EXTL3: variants seen among roughly 807,000 people sequenced by gnomAD.
EXTL3 encodes exostosin-like 3.
In EXTL3, 27 loss-of-function variants were observed where a neutral mutation model predicts 69.3. That is an observed-to-expected ratio of 0.39 (90% CI 0.29 to 0.54). The LOEUF (loss-of-function observed/expected upper bound fraction) is 0.54. EXTL3 is among the 20% of genes least tolerant of loss of function. EXTL3 has a pLI of 0.69. For missense variants in EXTL3, 1,003 were observed against 1,231.8 expected, an observed-to-expected ratio of 0.81 and a Z score of 2.78; for synonymous variants, 511 against 499.4, an observed-to-expected ratio of 1.02 and a Z score of -0.31.
chr8:28,750,597 T>C lies in EXTL3; in HGVS notation c.2551-60T>C. ...CATGGGAGTGTGGGATCGGCTCAGC[T>C]GCAAGGGTTCTGTCAGTATTAGCTG... On this transcript the variant is annotated intron_variant, in intron 6 of 6. Coordinates refer to ENST00000220562, the MANE Select transcript of EXTL3 (RefSeq NM_001440.4). This position sits in a 1 kb window ranked among gnomAD's most constrained non-coding sequence, Gnocchi z 5.2. 2 of 1,396,838 alleles carry C rather than the reference T, an allele frequency of 1.4e-6. No homozygotes were observed. The highest frequency in any genetic ancestry group is 3.4e-5 in the Admixed American group (2 of 59,576). 86.5% of individuals were successfully genotyped at this position (1,396,838 alleles called of 1,614,324 possible).
Position 28,740,125 on chromosome 8 carries a change from A to G in EXTL3, c.2421+2462A>G, listed in dbSNP as rs989515120. On this transcript the variant is annotated intron_variant, in intron 5 of 6. Transcript: ENST00000220562. ...TATGCACTGACAACTTCTAAAAATC[A>G]CAAGATTTCACAAAAAGACCTGAGC... is the stretch of plus-strand genomic sequence containing the variant. 7 of 152,350 alleles carry G rather than the reference A, an allele frequency of 4.6e-5. No individual in the cohort carries two copies. In the East Asian group the frequency reaches 7.7e-4, roughly 17 times the overall value. The allele number at this position is 152,350 out of a possible 1,614,324, so 9.4% of individuals were successfully genotyped here. A position where few individuals can be genotyped will look rare whatever the true frequency, so the allele number is the denominator to read the frequency against.
intron 1 of EXTL3, among the ~76,000 whole-genome samples, chr8:28,706,469 C>T (rs369290040): frequency 4.1e-4 from 62 of 152,180 alleles, no homozygotes; most frequent in African/African-American, 1.4e-3. Context: ...AATAATTTCT[C>T]GGATAGAATT....
intron 1 of EXTL3, among the ~76,000 whole-genome samples, chr8:28,632,554 CTTTT>C (rs1172375819): frequency 5.5e-5 from 7 of 126,598 alleles, no homozygotes; most frequent in Admixed American, 8.2e-5. Flanking sequence ...CTCATTTATT[CTTTT>C]TTTTTTTTTT....
Position 28,717,017 on chromosome 8 carries a change from G to C in EXTL3, c.958G>C (p.Val320Leu), listed in dbSNP as rs148151365. 9.9e-6 allele frequency: 16 copies of C among 1,614,192 alleles called. No homozygotes were observed. Among genetic ancestry groups the C allele is most frequent in the South Asian group, 9.9e-5 (9 of 91,082 alleles). The change falls in exon 3 of 7, where the codon GTC becomes CTC. Residue 320 changes from valine to leucine, a missense_variant. Val to Leu is a conservative substitution (Grantham distance 32, BLOSUM62 1). Coordinates refer to ENST00000220562, the MANE Select transcript of EXTL3 (RefSeq NM_001440.4). This position sits in a 1 kb window ranked among gnomAD's most constrained non-coding sequence, Gnocchi z 8.3. ...CTTTGACTTGGTCGTATCACCGCTGGTCCATGCCATGTCTGAGCCCAACTT... is the reference window on the plus strand; with the variant it reads ...CTTTGACTTGGTCGTATCACCGCTGCTCCATGCCATGTCTGAGCCCAACTT... ...PGFDLVVSPL[V>L]HAMSEPNFME...
intron 3 of EXTL3, among the ~76,000 whole-genome samples, chr8:28,718,492 T>C (rs1190977580): frequency 6.6e-6 from 1 of 152,188 alleles, no homozygotes; most frequent in Non-Finnish European, 1.5e-5. Context: ...TCCCGTAGAC[T>C]TCCATGTCAT....
At chr8:28,722,620 T>C (rs146803274) in intron 3 of EXTL3, among the ~76,000 whole-genome samples, 34 of 151,124 alleles carry the variant, frequency 2.2e-4, no homozygotes, top group African/African-American at 5.8e-4. Context: ...TACAAAAAAA[T>C]AGAAAAAATT....
intron 4 of EXTL3, among the ~76,000 whole-genome samples, chr8:28,731,799 C>A (rs577609405): frequency 6.6e-6 from 1 of 151,378 alleles, no homozygotes; most frequent in African/African-American, 2.4e-5. Flanking sequence ...GGATCCTGGA[C>A]CCAAAAAGAT....
rs534637887 is a variant in EXTL3, at chr8:28,748,302, C to T, written c.2551-2355C>T. Among the ~76,000 whole-genome samples, 273 of 150,124 alleles carry T rather than the reference C, an allele frequency of 1.8e-3. 1 individual carries two copies. Among genetic ancestry groups the T allele is most frequent in the Non-Finnish European group, 2.6e-3 (174 of 67,710 alleles). Reference sequence around the variant, plus strand: ...AGGAGAATGGCATAAACCTGGGAGGCGGAGTTCGTAGTGAGCCGAGATCAC... The same window carrying T: ...AGGAGAATGGCATAAACCTGGGAGGTGGAGTTCGTAGTGAGCCGAGATCAC... On this transcript the variant is annotated intron_variant, in intron 6 of 6. Coordinates refer to ENST00000220562, the MANE Select transcript of EXTL3 (RefSeq NM_001440.4).
At chr8:28,727,297 C>T (rs920599266) in intron 3 of EXTL3, among the ~76,000 whole-genome samples, 1 of 152,150 alleles carries the variant, frequency 6.6e-6, no homozygotes, top group African/African-American at 2.4e-5. Flanking sequence ...AGATGGCAGG[C>T]GCCCTGTGTT....
Position 28,717,199 on chromosome 8 carries a change from T to G in EXTL3, c.1140T>G (p.Ile380Met). The G allele has an allele frequency of 6.2e-7, 1 of 1,614,226 alleles. No individual in the cohort carries two copies. Among genetic ancestry groups the G allele is most frequent in the South Asian group, 1.1e-5 (1 of 91,086 alleles). ...DPPADYDDRI[I>M]ATLKAVQDSK... is the part of the protein sequence containing the mutation. Reference sequence around the variant, plus strand: ...CCGCCGACTACGATGACCGGATCATTGCCACCCTGAAGGCGGTGCAGGACA... The same window carrying G: ...CCGCCGACTACGATGACCGGATCATGGCCACCCTGAAGGCGGTGCAGGACA... Residue 380 changes from isoleucine to methionine, a missense_variant, in exon 3 of 7, where the codon ATT becomes ATG. Around this residue, in one of 2 missense-constraint regions of EXTL3, gnomAD observed 742 missense variants for 815.4 expected, o/e 0.91. Transcript: ENST00000220562. This position sits in a 1 kb window ranked among gnomAD's most constrained non-coding sequence, Gnocchi z 8.3.
chr8:28,728,879 A>G (rs1801470726), intron 3 of EXTL3, among the ~76,000 whole-genome samples: 1 of 152,094 alleles, frequency 6.6e-6, no homozygotes, highest in Non-Finnish European at 1.5e-5. Context: ...GTGACAACTC[A>G]AGACTCCATC....
intron 1 of EXTL3, among the ~76,000 whole-genome samples, chr8:28,684,698 T>C (rs1807548067): frequency 6.6e-6 from 1 of 152,168 alleles, no homozygotes; most frequent in Non-Finnish European, 1.5e-5. Context: ...GCTGTGATTT[T>C]GGCACTGCAC....
chr8:28,731,970 A>G (rs541983168), intron 4 of EXTL3, among the ~76,000 whole-genome samples: 1 of 152,176 alleles, frequency 6.6e-6, no homozygotes, highest in South Asian at 2.1e-4. Flanking sequence ...TATCTCATTC[A>G]TCCTTCTAAA....
rs71222571 is a variant in EXTL3 at position 28,691,572 on chromosome 8, A to ATTTTTTTTTTTTTTTTTTTT, written c.-52-21873_-52-21872insTTTTTTTTTTTTTTTTTTTT. 1.0e-3 allele frequency among the ~76,000 whole-genome samples: 139 copies of ATTTTTTTTTTTTTTTTTTTT among 135,398 alleles called. 8 individuals carry two copies. The highest frequency in any genetic ancestry group is 4.4e-3 in the African/African-American group (136 of 30,940). 88.8% of individuals were successfully genotyped at this position (135,398 alleles called of 152,430 possible). A position where few individuals can be genotyped will look rare whatever the true frequency, so the allele number is the denominator to read the frequency against. On this transcript the variant is annotated intron_variant, in intron 1 of 6. Coordinates refer to the EXTL3 transcript ENST00000523149. ...TGGTAAATATTTATCAGTTTTTGTG[A>ATTTTTTTTTTTTTTTTTTTT]TTTTTTTTTTTTGCTATTGTGTTCC...
intron 6 of EXTL3, among the ~76,000 whole-genome samples, chr8:28,749,365 A>G (rs1431974386): frequency 6.6e-6 from 1 of 152,256 alleles, no homozygotes; most frequent in Non-Finnish European, 1.5e-5. Context: ...AATGAGAATC[A>G]TAGTTATTAA....
intron 6 of EXTL3, among the ~76,000 whole-genome samples, chr8:28,748,240 A>G (rs113199178): frequency 2.0e-4 from 31 of 151,818 alleles, no homozygotes; most frequent in African/African-American, 6.5e-4. Context: ...GTGTGGTGGC[A>G]GGCGCCTGTA....
chr8:28,733,813 G>C (rs571359894), intron 4 of EXTL3, among the ~76,000 whole-genome samples: 1 of 148,818 alleles, frequency 6.7e-6, no homozygotes, highest in African/African-American at 2.5e-5. Context: ...TGTTTGGATT[G>C]TCGTCTTTTT....
intron 4 of EXTL3, 98 bp downstream of exon 4, chr8:28,731,448 C>G: frequency 2.3e-6 from 3 of 1,307,158 alleles, no homozygotes; most frequent in Non-Finnish European, 3.3e-6. Flanking sequence ...TAACTGAGAA[C>G]CCCTTGCAGA....
intron 1 of EXTL3, among the ~76,000 whole-genome samples, chr8:28,664,582 AT>A (rs558294195): frequency 7.2e-5 from 11 of 151,812 alleles, no homozygotes; most frequent in Admixed American, 1.3e-4. Context: ...AGGTCTCAAT[AT>A]TTTTTTTCAT....
Sources: allele counts gnomAD v4.1 joint callset (sites outside exome capture counted in the v4.1 genomes callset), GRCh38; gene constraint gnomAD v4.1.1; regional missense constraint gnomAD v4.1.1; non-coding constraint Gnocchi (gnomAD v3.1); transcripts MANE v1.5; gene names NCBI Gene and HGNC (gene_info 2026-07-23, HGNC 2026-07-21).